Variants in IRX4 observed in about 807,000 individuals in gnomAD.
IRX4 encodes iroquois-class homeodomain protein IRX-4.
A neutral mutation model predicts 32.0 loss-of-function variants in IRX4; 22 were observed. The ratio of observed to expected loss-of-function variants is 0.69; its 90% CI spans 0.49 to 0.98. The LOEUF (loss-of-function observed/expected upper bound fraction) is 0.98, where lower values mean the gene tolerates loss of function less well. Ranked by LOEUF, IRX4 falls within the 50% of genes least tolerant of loss-of-function variation. The pLI, the probability that IRX4 is intolerant of heterozygous loss-of-function variation, is 0.00. For missense variants in IRX4, 840 were observed against 744.2 expected (o/e 1.13, Z -1.50); for synonymous variants, 379 against 351.7 (o/e 1.08, Z -0.87).
In IRX4 at chr5:1,879,570, C is replaced by A; in HGVS notation, c.670G>T (p.Gly224Cys). ...TCCTCGCCCCCCTCCTCCTCCTCGC[C>A]CTCCGCGTAGGGCCGCTTCTCGTCT... ...CADEKRPYAE[G>C]EEEEGGEEEA... is the part of the protein sequence containing the mutation. Residue 224 changes from glycine (G) to cysteine (C), a missense_variant, in exon 4 of 5, where the codon GGC becomes TGC. By Grantham distance (159) the Gly-to-Cys change is radical (BLOSUM62 -3). Transcript: ENST00000231357. The A allele has an allele frequency of 1.2e-6, 2 of 1,613,814 alleles. No individual in the cohort carries two copies. Among genetic ancestry groups the A allele is most frequent in the Non-Finnish European group, 1.7e-6 (2 of 1,180,028 alleles).
intron 1 of IRX4, 27 bp downstream of exon 1, chr5:1,882,576 G>C (rs1243461655): frequency 3.3e-6 from 5 of 1,501,776 alleles, no homozygotes; most frequent in Admixed American, 2.3e-5. Context: ...ACCTGCGGTG[G>C]CCTGGGCGGG....
upstream of IRX4, among the ~76,000 whole-genome samples, chr5:1,883,161 G>T (rs1735515230): frequency 6.6e-6 from 1 of 152,126 alleles, no homozygotes; most frequent in South Asian, 2.1e-4. Context: ...AGTCAATATC[G>T]CCCAGCGAAC....
upstream of IRX4, chr5:1,887,037 G>A (rs1473091126): frequency 1.3e-5 from 2 of 151,416 alleles, no homozygotes; most frequent in Admixed American, 6.6e-5. Context: ...CCGGGGCGGG[G>A]GCGGGAGCGG....
rs1271909508 is a variant in IRX4, at chr5:1,879,551, C to T, written c.689G>A (p.Gly230Asp). 3.1e-6 allele frequency: 5 copies of T among 1,613,198 alleles called. No individual in the cohort carries two copies. The South Asian group carries it at 5.5e-5, about 18-fold the overall frequency. Residue 230 changes from glycine (G) to aspartate (D), a missense_variant, in exon 4 of 5, where the codon GGC becomes GAC. Gly to Asp is a moderately conservative substitution (Grantham distance 94). This residue lies in a region of IRX4 where 585 missense variants were observed against 488.0 expected (regional missense o/e 1.20). Transcript: ENST00000231357. ...GGGCTCCTCCCGCGCCTCCTCCTCG[C>T]CCCCCTCCTCCTCCTCGCCCTCCGC... is the stretch of plus-strand genomic sequence containing the variant. ...PYAEGEEEEG[G>D]EEEAREEPLK...
chr5:1,879,788 C>A lies in IRX4; in HGVS notation c.452G>T (p.Arg151Leu). 1 of 1,614,136 alleles carries A rather than the reference C, an allele frequency of 6.2e-7. No homozygotes were observed. Among genetic ancestry groups the A allele is most frequent in the Non-Finnish European group, 8.5e-7 (1 of 1,180,038 alleles). ...DSGTRRKNAT[R>L]ETTSTLKAWL... Reference sequence around the variant, plus strand: ...GGCCTTGAGCGTGCTGGTGGTCTCGCGCGTGGCGTTCTTGCGCCGCGTGCC... The same window carrying A: ...GGCCTTGAGCGTGCTGGTGGTCTCGAGCGTGGCGTTCTTGCGCCGCGTGCC... Residue 151 changes from arginine to leucine, a missense_variant, in exon 4 of 5, where the codon CGC (arginine) becomes CTC (leucine). This residue lies in a region of IRX4 where 241 missense variants were observed against 220.8 expected (regional missense o/e 1.09). Transcript: ENST00000231357.
At chr5:1,878,879 T>G in intron 4 of IRX4, 87 bp from the exon 5 acceptor site, 21 of 1,355,484 alleles carry the variant, frequency 1.5e-5, no homozygotes, top group Non-Finnish European at 2.1e-5. Context: ...ATGAGGCCTG[T>G]TCCCGACGCT....
rs1735271727 is a variant in IRX4 at position 1,878,154 on chromosome 5, T to C, written c.1375A>G (p.Thr459Ala). Residue 459 changes from threonine to alanine, a missense_variant, in exon 5 of 5, where the codon ACC becomes GCC. Physicochemically the swap from Thr to Ala is moderately conservative, Grantham distance 58 (BLOSUM62 0). Transcript: ENST00000231357. ...GGGTCCAGGAGGGCGCCCTTGGCGG[T>C]GGCCCAGGCCTGGTTCAAAGTGCTG... ...RHSTLNQAWA[T>A]AKGALLDPGP... The C allele has an allele frequency of 1.9e-6, 3 of 1,563,656 alleles. No individual in the cohort carries two copies. The East Asian group carries it at 7.0e-5, about 37-fold the overall frequency.
upstream of IRX4, among the ~76,000 whole-genome samples, chr5:1,885,697 C>T (rs1427220734): frequency 1.3e-5 from 2 of 152,224 alleles, no homozygotes; most frequent in Admixed American, 6.5e-5. Flanking sequence ...AACCCTGTAG[C>T]CTGGCCTAGG....
At chr5:1,884,788 C>T (rs937049270), upstream of IRX4, 1 of 152,236 alleles carries the variant, frequency 6.6e-6, no homozygotes, top group Non-Finnish European at 1.5e-5. Context: ...TCTCTCAACC[C>T]CTTTCCCTCT....
intron 2 of IRX4, 36 bp from the exon 3 acceptor site, chr5:1,880,870 G>T: frequency 6.6e-7 from 1 of 1,524,020 alleles, no homozygotes; most frequent in Non-Finnish European, 9.1e-7. Flanking sequence ...GCAGTTTCCA[G>T]GGAGGCAACC....
rs372511470 is a variant in IRX4, at chr5:1,879,694, G to C, written c.546C>G (p.Thr182=). 15 of 1,614,226 alleles carry C rather than the reference G, an allele frequency of 9.3e-6. No homozygotes were observed. Among genetic ancestry groups the C allele is most frequent in the Non-Finnish European group, 1.3e-5 (15 of 1,180,038 alleles). The change falls in exon 4 of 5, where the codon ACC becomes ACG. Residue 182 remains threonine, a synonymous_variant. Transcript: ENST00000231357. ...KGEKIMLAII[T]KMTLTQVSTW... is the part of the protein sequence containing the mutation. ...TGGAGACCTGTGTGAGGGTCATCTT[G>C]GTGATGATGGCCAGCATGATCTTCT...
chr5:1,880,094 A>G (rs1579251710), intron 3 of IRX4: 10 of 1,535,612 alleles, frequency 6.5e-6, no homozygotes, highest in Non-Finnish European at 8.7e-6. Context: ...CCCAAGCCAG[A>G]GAGGTCCAGG....
At chr5:1,886,391 C>T (rs1735631438), upstream of IRX4, among the ~76,000 whole-genome samples, 1 of 152,254 alleles carries the variant, frequency 6.6e-6, no homozygotes, top group Admixed American at 6.5e-5. Context: ...CGCCTGTGCC[C>T]GCCCACCGCT....
chr5:1,879,843 G>A lies in IRX4; in HGVS notation c.408-11C>T. 4 of 1,613,320 alleles carry A rather than the reference G, an allele frequency of 2.5e-6. No individual in the cohort carries two copies. The highest frequency in any genetic ancestry group is 8.5e-7 in the Non-Finnish European group (1 of 1,179,982). On this transcript the variant is annotated splice_polypyrimidine_tract_variant and intron_variant, in intron 3 of 4. Coordinates refer to ENST00000231357, the MANE Select transcript of IRX4 (RefSeq NM_016358.3). ...TCCATGGTTCCATACCTGGAGACAG[G>A]CTCTGCAATGGGCTCAGGCTGGGCC...
rs749669621 is a variant in IRX4 at position 1,878,231 on chromosome 5, G to A, written c.1298C>T (p.Thr433Ile). ...ALDRHQDSPV[T>I]SLRNWVDGVF... is the part of the protein sequence containing the mutation. ...CCCGTCCACCCAGTTTCTGAGACTG[G>A]TTACCGGGGAGTCCTGGTGCCTGTC... Residue 433 changes from threonine to isoleucine, a missense_variant, in exon 5 of 5, where the codon ACC (threonine) becomes ATC (isoleucine). Transcript: ENST00000231357. 16 of 1,605,634 alleles carry A rather than the reference G, an allele frequency of 1.0e-5. 1 individual carries two copies. In the South Asian group the frequency reaches 1.7e-4, roughly 17 times the overall value.
upstream of IRX4, among the ~76,000 whole-genome samples, chr5:1,886,451 G>A (rs1304075541): frequency 6.6e-6 from 1 of 152,200 alleles, no homozygotes; most frequent in African/African-American, 2.4e-5. Context: ...GGTCGCTGAC[G>A]CCGCACTGGC....
chr5:1,881,903 C>T lies in IRX4; in HGVS notation c.202G>A (p.Ala68Thr). 1.9e-6 allele frequency: 3 copies of T among 1,584,704 alleles called. No individual in the cohort carries two copies. The highest frequency in any genetic ancestry group is 2.6e-6 in the Non-Finnish European group (3 of 1,166,372). ...ATARHELNSA[A>T]ALGVYGGPYG... ...GGACCCCCATAGACGCCCAGCGCCG[C>T]GGCCGAGTTGAGCTCGTGGCGCGCG... is the stretch of plus-strand genomic sequence containing the variant. Residue 68 changes from alanine (A) to threonine (T), a missense_variant, in exon 2 of 5, where the codon GCG becomes ACG. Ala to Thr is a moderately conservative substitution (Grantham distance 58). Transcript: ENST00000231357.
At position 1,878,351 on chromosome 5, in the gene IRX4, C is replaced by G; in HGVS notation, c.1178G>C (p.Cys393Ser). The G allele has an allele frequency of 6.5e-7, 1 of 1,541,502 alleles. No homozygotes were observed. Among genetic ancestry groups the G allele is most frequent in the Non-Finnish European group, 8.7e-7 (1 of 1,145,584 alleles). Reference protein sequence around the residue: ...TSLSQTEFPSCMLKRQGPAAP... With the variant: ...TSLSQTEFPSSMLKRQGPAAP... Reference sequence around the variant, plus strand: ...CGCGGGACCTTGGCGCTTGAGCATGCACGACGGAAACTCAGTCTGGCTCAG... The same window carrying G: ...CGCGGGACCTTGGCGCTTGAGCATGGACGACGGAAACTCAGTCTGGCTCAG... Residue 393 changes from cysteine to serine, a missense_variant, in exon 5 of 5, where the codon TGC (cysteine) becomes TCC (serine). Around this residue, in one of 3 missense-constraint regions of IRX4, gnomAD observed 585 missense variants for 488.0 expected, o/e 1.20. Coordinates refer to ENST00000231357, the MANE Select transcript of IRX4 (RefSeq NM_016358.3).
In IRX4 at chr5:1,882,695, CG is replaced by C. The variant is rs1735498219; in HGVS notation, c.-49del. ...CGGGCGGGGCCTGCAGGGTTCTGCG[CG>C]CTGGGGCCGGCGTGGCGCGGCCACT... On this transcript the variant is annotated 5_prime_UTR_variant, in exon 1 of 5. Coordinates refer to ENST00000231357, the MANE Select transcript of IRX4 (RefSeq NM_016358.3). The C allele has an allele frequency of 8.1e-7, 1 of 1,238,780 alleles. No individual in the cohort carries two copies. Among genetic ancestry groups the C allele is most frequent in the African/African-American group, 1.6e-5 (1 of 63,112 alleles). The allele number at this position is 1,238,780 out of a possible 1,614,324, so 76.7% of individuals were successfully genotyped here.
Sources: allele counts gnomAD v4.1 joint callset (sites outside exome capture counted in the v4.1 genomes callset), GRCh38; gene constraint gnomAD v4.1.1; regional missense constraint gnomAD v4.1.1; transcripts MANE v1.5; gene names NCBI Gene and HGNC (gene_info 2026-07-23, HGNC 2026-07-21).